SGCD: variants seen among roughly 807,000 people sequenced by gnomAD.
SGCD encodes delta-sarcoglycan.
A neutral mutation model predicts 36.6 loss-of-function variants in SGCD; 18 were observed. That is an observed-to-expected ratio of 0.49 (90% CI 0.34 to 0.73). The LOEUF (loss-of-function observed/expected upper bound fraction) is 0.73, where lower values mean the gene tolerates loss of function less well. SGCD is among the 30% of genes least tolerant of loss of function. The pLI is 0.01. For synonymous variants in SGCD, 133 were observed against 130.6 expected (o/e 1.02, Z -0.12); for missense variants, 387 against 346.7 (o/e 1.12, Z -0.92).
chr5:156,587,412 C>T (rs1449906698), intron 4 of SGCD, among the ~76,000 whole-genome samples: 2 of 152,302 alleles, frequency 1.3e-5, no homozygotes, highest in Admixed American at 1.3e-4. Context: ...CTTCTGTCAG[C>T]CACATCACAT....
At chr5:156,029,377 C>T (rs1192898051) in intron 1 of SGCD, among the ~76,000 whole-genome samples, 1 of 152,152 alleles carries the variant, frequency 6.6e-6, no homozygotes, top group African/African-American at 2.4e-5. Flanking sequence ...CACAAACACA[C>T]TCACTCACCC....
intron 4 of SGCD, among the ~76,000 whole-genome samples, chr5:156,545,753 C>G (rs1277980453): frequency 2.0e-5 from 3 of 152,176 alleles, no homozygotes; most frequent in African/African-American, 7.2e-5. Flanking sequence ...AACCCCTGAT[C>G]TAGCAAATGG....
intron 3 of SGCD, among the ~76,000 whole-genome samples, chr5:156,411,688 GCA>G (rs1772765494): frequency 6.6e-6 from 1 of 152,160 alleles, no homozygotes; most frequent in Admixed American, 6.5e-5. Flanking sequence ...ATGGTACCTG[GCA>G]CAGAGTATTA....
At chr5:155,877,944 A>AT (rs1232320111) in intron 1 of SGCD, among the ~76,000 whole-genome samples, 3 of 152,102 alleles carry the variant, frequency 2.0e-5, no homozygotes, top group African/African-American at 4.8e-5. Context: ...AAAACTTAAT[A>AT]AAGTCAGCCC....
chr5:156,704,038 T>C (rs1478999343), intron 7 of SGCD: 1 of 151,962 alleles, frequency 6.6e-6, no homozygotes, highest in African/African-American at 2.4e-5. Flanking sequence ...CTTAAAAGGG[T>C]GGTGGAAGGT....
chr5:156,705,231 C>G (rs1428507290), intron 7 of SGCD, among the ~76,000 whole-genome samples: 2 of 152,078 alleles, frequency 1.3e-5, no homozygotes, highest in Non-Finnish European at 2.9e-5. Flanking sequence ...AAGTAAATTG[C>G]TAAAGAAATT....
intron 3 of SGCD, among the ~76,000 whole-genome samples, chr5:156,163,625 A>G (rs1763136812): frequency 6.6e-6 from 1 of 151,368 alleles, no homozygotes; most frequent in African/African-American, 2.5e-5. Context: ...GCTGAAATTT[A>G]CTCCATTACC....
Position 156,678,271 on chromosome 5 carries a change from T to C in SGCD, c.575+30735T>C, listed in dbSNP as rs545264168. ...CTGTGAAACAGTGCCCAGTCTATAA[T>C]TGTAGTAAAGTTTGTTGAATAAATG... On this transcript the variant is annotated intron_variant, in intron 7 of 8. Transcript: ENST00000337851. 3.0e-4 allele frequency among the ~76,000 whole-genome samples: 45 copies of C among 152,270 alleles called. 2 individuals are homozygous for C. In the South Asian group the frequency reaches 8.7e-3, roughly 29 times the overall value.
intron 6 of SGCD, among the ~76,000 whole-genome samples, chr5:156,598,460 T>C (rs1044422254): frequency 6.6e-6 from 1 of 152,188 alleles, no homozygotes; most frequent in Non-Finnish European, 1.5e-5. Flanking sequence ...GAGAATTGCT[T>C]GAACCCAGGT....
At chr5:156,081,700 C>T (rs1760958168) in intron 1 of SGCD, among the ~76,000 whole-genome samples, 1 of 152,126 alleles carries the variant, frequency 6.6e-6, no homozygotes, top group Non-Finnish European at 1.5e-5. Context: ...AACCATGTTC[C>T]CTTTTTATAA....
intron 3 of SGCD, among the ~76,000 whole-genome samples, chr5:156,183,322 G>A (rs1258733834): frequency 6.6e-6 from 1 of 152,126 alleles, no homozygotes; most frequent in African/African-American, 2.4e-5. Context: ...GTTGAAAATA[G>A]GATGAGATTG....
intron 3 of SGCD, among the ~76,000 whole-genome samples, chr5:156,313,335 C>T (rs184234617): frequency 1.9e-4 from 29 of 152,128 alleles, no homozygotes; most frequent in African/African-American, 6.7e-4. Flanking sequence ...ATAATTTGTA[C>T]TTGATTTCTC....
intron 7 of SGCD, among the ~76,000 whole-genome samples, chr5:156,703,308 G>A (rs1367993903): frequency 6.6e-6 from 1 of 151,778 alleles, no homozygotes; most frequent in Non-Finnish European, 1.5e-5. Context: ...AACAGATTTA[G>A]AATCTATAGT....
At chr5:156,463,591 G>A (rs541911657) in intron 3 of SGCD, among the ~76,000 whole-genome samples, 9 of 152,254 alleles carry the variant, frequency 5.9e-5, no homozygotes, top group Non-Finnish European at 1.2e-4. Context: ...AACAGAAAGG[G>A]AGAACTGAGT....
chr5:156,389,579 G>A (rs1290628663), intron 3 of SGCD, among the ~76,000 whole-genome samples: 1 of 152,118 alleles, frequency 6.6e-6, no homozygotes, highest in Non-Finnish European at 1.5e-5. Context: ...GGAGGCTGGG[G>A]GTGGTGCTAG....
intron 1 of SGCD, among the ~76,000 whole-genome samples, chr5:156,070,195 C>A (rs1344851800): frequency 6.6e-6 from 1 of 150,936 alleles, no homozygotes; most frequent in African/African-American, 2.5e-5. Flanking sequence ...GAGAGGGCAT[C>A]CCTGTCTTGT....
intron 3 of SGCD, among the ~76,000 whole-genome samples, chr5:156,438,970 T>C (rs554003599): frequency 3.9e-5 from 6 of 152,242 alleles, no homozygotes; most frequent in African/African-American, 1.4e-4. Context: ...TGTAGGGGCA[T>C]TGAAGGCAAG....
At chr5:155,988,839 C>A (rs1045265659) in intron 1 of SGCD, among the ~76,000 whole-genome samples, 3 of 152,214 alleles carry the variant, frequency 2.0e-5, no homozygotes, top group East Asian at 1.9e-4. Flanking sequence ...CATGTTTGAC[C>A]AGAACACTGG....
At chr5:155,820,469 G>T in the SGCD span, among the ~76,000 whole-genome samples, 1 of 151,992 alleles carries the variant, frequency 6.6e-6, no homozygotes, top group African/African-American at 2.4e-5. Flanking sequence ...AGACTAGCCT[G>T]GGCAACATGG....
Sources: gnomAD v4.1 joint callset for allele counts (sites outside exome capture counted in the v4.1 genomes callset) on GRCh38, gnomAD v4.1.1 for gene constraint, MANE v1.5 for transcripts, NCBI Gene and HGNC (gene_info 2026-07-23, HGNC 2026-07-21) for gene names.